The following PLCB1 variants were observed in gnomAD, a reference collection of about 807,000 sequenced individuals.
The protein encoded by PLCB1 is 1-phosphatidylinositol 4,5-bisphosphate phosphodiesterase beta-1.
A neutral mutation model predicts 161.8 loss-of-function variants in PLCB1; 46 were observed. The observed-to-expected ratio is 0.28, with a 90% CI of 0.22 to 0.36. The LOEUF (loss-of-function observed/expected upper bound fraction) is 0.36, where lower values mean the gene tolerates loss of function less well. Ranked by LOEUF, PLCB1 falls within the 10% of genes least tolerant of loss-of-function variation. PLCB1 has a pLI of 1.00. For missense variants in PLCB1, 1,016 were observed against 1,472.5 expected (o/e 0.69, Z 5.07); for synonymous variants, 517 against 503.7 (o/e 1.03, Z -0.35).
chr20:8,154,916 A>G (rs1041651220), intron 2 of PLCB1, among the ~76,000 whole-genome samples: 1 of 152,170 alleles, frequency 6.6e-6, no homozygotes, highest in African/African-American at 2.4e-5. Context: ...TTAAGTTTTC[A>G]TGTAGTTACA....
intron 27 of PLCB1, among the ~76,000 whole-genome samples, chr20:8,780,302 T>G (rs1191382873): frequency 6.6e-6 from 1 of 152,128 alleles, no homozygotes; most frequent in African/African-American, 2.4e-5. Flanking sequence ...TTCGTTGTAA[T>G]GTTAAGGAGT....
intron 2 of PLCB1, among the ~76,000 whole-genome samples, chr20:8,229,401 T>C (rs538797151): frequency 6.6e-6 from 1 of 152,308 alleles, no homozygotes; most frequent in South Asian, 2.1e-4. Flanking sequence ...TGTGAGATTT[T>C]AAAACAGCTT....
Position 8,882,359 on chromosome 20 carries a change from C to A in PLCB1, c.*510C>A, listed in dbSNP as rs1988027044. 6.2e-6 allele frequency: 1 copy of A among 162,064 alleles called. No individual in the cohort carries two copies. Among genetic ancestry groups the A allele is most frequent in the Admixed American group, 5.7e-5 (1 of 17,546 alleles). 10.0% of individuals were successfully genotyped at this position (162,064 alleles called of 1,614,324 possible). ...TATTACATTTTCATCCTTTGCTTTGCAAGCACTGGTGGCTTGCAGTTTGCT... is the reference window on the plus strand; with the variant it reads ...TATTACATTTTCATCCTTTGCTTTGAAAGCACTGGTGGCTTGCAGTTTGCT... On this transcript the variant is annotated 3_prime_UTR_variant, in exon 32 of 32. Transcript: ENST00000338037.
intron 23 of PLCB1, among the ~76,000 whole-genome samples, chr20:8,754,739 C>T (rs529971062): frequency 6.6e-6 from 1 of 152,162 alleles, no homozygotes; most frequent in Non-Finnish European, 1.5e-5. Context: ...GTGTATAGGT[C>T]CCATGTAGTC....
At chr20:8,723,048 A>G (rs896686875) in intron 15 of PLCB1, among the ~76,000 whole-genome samples, 2 of 152,186 alleles carry the variant, frequency 1.3e-5, no homozygotes, top group African/African-American at 4.8e-5. Flanking sequence ...TAAAGTTTAT[A>G]TTGAATCTGC....
chr20:8,663,300 G>T (rs1345991092), intron 9 of PLCB1, among the ~76,000 whole-genome samples: 1 of 151,874 alleles, frequency 6.6e-6, no homozygotes, highest in Non-Finnish European at 1.5e-5. Flanking sequence ...TAAAGTAGGT[G>T]TTAAGCAAAT....
chr20:8,337,113 T>C (rs1235201291), intron 2 of PLCB1, among the ~76,000 whole-genome samples: 2 of 152,208 alleles, frequency 1.3e-5, no homozygotes, highest in Non-Finnish European at 2.9e-5. Flanking sequence ...TAGATAATAA[T>C]GACTAAGACC....
At chr20:8,166,977 C>T (rs1325522577) in intron 2 of PLCB1, among the ~76,000 whole-genome samples, 1 of 152,154 alleles carries the variant, frequency 6.6e-6, no homozygotes, top group African/African-American at 2.4e-5. Flanking sequence ...AGGTTTTTGA[C>T]TCAATGAGAG....
chr20:8,296,957 C>T (rs760852832), intron 2 of PLCB1, among the ~76,000 whole-genome samples: 2 of 152,024 alleles, frequency 1.3e-5, no homozygotes, highest in Admixed American at 6.6e-5. Context: ...TCTACTCAGT[C>T]GCAGCCTTTT....
At chr20:8,758,826 A>G (rs1443412631) in intron 24 of PLCB1, among the ~76,000 whole-genome samples, 4 of 152,198 alleles carry the variant, frequency 2.6e-5, no homozygotes, top group African/African-American at 9.7e-5. Context: ...ACTTACAGAA[A>G]ATATTTTTTA....
At chr20:8,519,595 T>G (rs565660314) in intron 3 of PLCB1, among the ~76,000 whole-genome samples, 1 of 152,276 alleles carries the variant, frequency 6.6e-6, no homozygotes, top group African/African-American at 2.4e-5. Context: ...TGCTTCCATT[T>G]TGTATAATTG....
At chr20:8,793,887 C>T (rs1983891101) in intron 31 of PLCB1, among the ~76,000 whole-genome samples, 1 of 152,148 alleles carries the variant, frequency 6.6e-6, no homozygotes, top group Non-Finnish European at 1.5e-5. Flanking sequence ...TCTGCAGCCT[C>T]AACAGTAAGA....
intron 3 of PLCB1, among the ~76,000 whole-genome samples, chr20:8,607,805 T>G (rs1987800953): frequency 6.6e-6 from 1 of 152,098 alleles, no homozygotes; most frequent in Non-Finnish European, 1.5e-5. Flanking sequence ...CATGAATGAG[T>G]GAGTGAATGA....
chr20:8,406,108 T>A (rs1329094641), intron 3 of PLCB1, among the ~76,000 whole-genome samples: 1 of 152,188 alleles, frequency 6.6e-6, no homozygotes, highest in Non-Finnish European at 1.5e-5. Flanking sequence ...AAGTCATTCC[T>A]GCATTTTATA....
At chr20:8,852,747 G>C (rs1986932051) in intron 31 of PLCB1, among the ~76,000 whole-genome samples, 1 of 152,178 alleles carries the variant, frequency 6.6e-6, no homozygotes, top group African/African-American at 2.4e-5. Flanking sequence ...CTCTTTCCCG[G>C]TTTGTAATGT....
At chr20:8,303,203 T>G (rs6140593) in intron 2 of PLCB1, among the ~76,000 whole-genome samples, 4,113 of 152,346 alleles carry the variant, frequency 0.027, 175 homozygotes, top group East Asian at 0.11. Context: ...AAAAAATGTT[T>G]CTTGTTTCCT....
Position 8,132,641 on chromosome 20 carries a change from G to A in PLCB1, c.-11G>A. The A allele has an allele frequency of 6.2e-7, 1 of 1,603,334 alleles. No individual in the cohort carries two copies. Among genetic ancestry groups the A allele is most frequent in the Non-Finnish European group, 8.5e-7 (1 of 1,174,130 alleles). On this transcript the variant is annotated 5_prime_UTR_variant, in exon 1 of 32. Coordinates refer to ENST00000338037, the MANE Select transcript of PLCB1 (RefSeq NM_015192.4). The surrounding 1 kb of genome is among the most constrained non-coding windows in gnomAD (Gnocchi z 5.2). ...GCTCGCCCGGGCCGCCCGGAGCCCA[G>A]ATGAGCCCAGATGGCCGGGGCTCAA...
At chr20:8,290,792 A>G (rs535835322) in intron 2 of PLCB1, among the ~76,000 whole-genome samples, 6 of 152,174 alleles carry the variant, frequency 3.9e-5, no homozygotes, top group African/African-American at 1.4e-4. Context: ...GCCCATAATC[A>G]AGATTCCTGT....
In PLCB1 at chr20:8,542,287, C is replaced by A. The variant is rs577038450; in HGVS notation, c.247-86007C>A. ...CTTTGTCTAAGCAGAAAGGGTAGAA[C>A]TTCCTGAACACTAATAAAGGAAACA... On this transcript the variant is annotated intron_variant, in intron 3 of 31. Coordinates refer to ENST00000338037, the MANE Select transcript of PLCB1 (RefSeq NM_015192.4). Among the ~76,000 whole-genome samples the A allele has an allele frequency of 2.3e-4, 35 of 152,314 alleles. 1 individual carries two copies. The highest frequency in any genetic ancestry group is 2.2e-3 in the Admixed American group (33 of 15,304).
Sources: gnomAD v4.1 joint callset for allele counts (sites outside exome capture counted in the v4.1 genomes callset) on GRCh38, gnomAD v4.1.1 for gene constraint, Gnocchi (gnomAD v3.1) non-coding constraint, MANE v1.5 for transcripts, NCBI Gene and HGNC (gene_info 2026-07-23, HGNC 2026-07-21) for gene names.